The following AKNAD1 variants were observed in gnomAD, a reference collection of about 807,000 sequenced individuals.
AKNAD1 encodes AKNA domain containing 1.
AKNAD1 carries 67 observed loss-of-function variants against 90.8 expected under a neutral mutation model. The ratio of observed to expected loss-of-function variants is 0.74; its 90% CI spans 0.61 to 0.90. AKNAD1 has a LOEUF of 0.90. AKNAD1 is among the 40% of genes least tolerant of loss of function. The probability of loss-of-function intolerance (pLI) is 0.00; values close to 1 mark genes in which losing one functional copy is unlikely to be tolerated. For synonymous variants in AKNAD1, 327 were observed against 341.4 expected (o/e 0.96, Z 0.46); for missense variants, 957 against 975.4 (o/e 0.98, Z 0.25).
Position 108,852,699 on chromosome 1 carries a change from CCTGAGCTGGCTG to C in AKNAD1, c.-47_-36del, listed in dbSNP as rs1487767351. 5 of 1,526,770 alleles carry C rather than the reference CCTGAGCTGGCTG, an allele frequency of 3.3e-6. No individual in the cohort carries two copies. In the East Asian group the frequency reaches 1.1e-4, roughly 34 times the overall value. 94.6% of individuals were successfully genotyped at this position (1,526,770 alleles called of 1,614,324 possible). On this transcript the variant is annotated 5_prime_UTR_variant, in exon 2 of 16. Transcript: ENST00000370001. ...GCCCGATCGCTCTCGTCCTCTGCCT[CCTGAGCTGGCTG>C]CTGTCAGTTGTAACAATAGCTCTGG... is the stretch of plus-strand genomic sequence containing the variant.
intron 10 of AKNAD1, among the ~76,000 whole-genome samples, chr1:108,829,636 C>T (rs1015966344): frequency 5.3e-5 from 8 of 152,126 alleles, no homozygotes; most frequent in African/African-American, 1.9e-4. Context: ...TTTCTTTTTT[C>T]AGGGGTGGAC....
intron 1 of AKNAD1, among the ~76,000 whole-genome samples, chr1:108,854,514 A>G (rs907677046): frequency 6.6e-6 from 1 of 152,102 alleles, no homozygotes; most frequent in African/African-American, 2.4e-5. Context: ...GTCGTCCAAG[A>G]AAAAAAGGAG....
intron 6 of AKNAD1, among the ~76,000 whole-genome samples, chr1:108,841,728 A>G (rs1365743450): frequency 6.6e-6 from 1 of 152,108 alleles, no homozygotes; most frequent in East Asian, 1.9e-4. Context: ...GTTGTATGGG[A>G]TTCTGTTCCT....
intron 1 of AKNAD1, among the ~76,000 whole-genome samples, chr1:108,853,307 A>C (rs1557839726): frequency 6.6e-6 from 1 of 151,434 alleles, no homozygotes; most frequent in African/African-American, 2.4e-5. Context: ...AATTTTTTGT[A>C]TTTTTAGTAG....
At chr1:108,849,183 T>G in intron 3 of AKNAD1, 123 bp from the exon 4 acceptor site, 1 of 937,010 alleles carries the variant, frequency 1.1e-6, no homozygotes. Flanking sequence ...TTAATTTTTT[T>G]CAAAATATTT....
chr1:108,832,377 C>T (rs952827888), intron 9 of AKNAD1, among the ~76,000 whole-genome samples: 4 of 152,064 alleles, frequency 2.6e-5, no homozygotes, highest in Admixed American at 1.3e-4. Context: ...GAACACACCA[C>T]CCCACCCAGC....
chr1:108,821,528 A>G (rs935189294), intron 13 of AKNAD1, among the ~76,000 whole-genome samples: 2 of 152,166 alleles, frequency 1.3e-5, no homozygotes, highest in African/African-American at 4.8e-5. Context: ...TTGCTGTGTG[A>G]TCTGTGCATG....
chr1:108,848,826 A>G lies in AKNAD1; in HGVS notation c.1183-12T>C. Reference sequence around the variant, plus strand: ...GAAAATTCTTGTACCTGCAGTGAAAAAATTACAATCTCTCATTAATGGCAT... The same window carrying G: ...GAAAATTCTTGTACCTGCAGTGAAAGAATTACAATCTCTCATTAATGGCAT... On this transcript the variant is annotated splice_polypyrimidine_tract_variant and intron_variant, in intron 4 of 15. Coordinates refer to ENST00000370001, the MANE Select transcript of AKNAD1 (RefSeq NM_152763.5). 6.2e-7 allele frequency: 1 copy of G among 1,610,004 alleles called. No homozygotes were observed. The highest frequency in any genetic ancestry group is 8.5e-7 in the Non-Finnish European group (1 of 1,178,994).
At chr1:108,855,169 T>G (rs960027526) in intron 1 of AKNAD1, among the ~76,000 whole-genome samples, 8 of 152,136 alleles carry the variant, frequency 5.3e-5, no homozygotes, top group Non-Finnish European at 8.8e-5. Context: ...ATCCCAGCAC[T>G]TTGGGCGGCC....
chr1:108,835,049 T>C lies in AKNAD1; in HGVS notation c.1544A>G (p.Lys515Arg). The C allele has an allele frequency of 6.4e-7, 1 of 1,574,580 alleles. No homozygotes were observed. Among genetic ancestry groups the C allele is most frequent in the East Asian group, 2.4e-5 (1 of 41,234 alleles). ...CCCAGAAGGGTGGCCGGGGTGCTCC[T>C]TGGGAATCTGGGGGAGCCACACAGA... Reference protein sequence around the residue: ...TFSSLSNEIPKEHPGHPSGPR... With the variant: ...TFSSLSNEIPREHPGHPSGPR... The change falls in exon 8 of 16, where the codon AAG becomes AGG. Residue 515 changes from lysine (K) to arginine (R), a missense_variant. Coordinates refer to ENST00000370001, the MANE Select transcript of AKNAD1 (RefSeq NM_152763.5).
At chr1:108,839,190 A>C (rs2101194966) in intron 6 of AKNAD1, among the ~76,000 whole-genome samples, 1 of 152,328 alleles carries the variant, frequency 6.6e-6, no homozygotes, top group East Asian at 1.9e-4. Flanking sequence ...CTTCCAGAAC[A>C]TGAAAAGAAA....
chr1:108,835,642 T>C (rs12755742), intron 7 of AKNAD1, among the ~76,000 whole-genome samples: 20,639 of 151,336 alleles, frequency 0.14, 1,555 homozygotes, highest in African/African-American at 0.2. Context: ...TTTTTTTTTT[T>C]GAGATGGAGT....
intron 11 of AKNAD1, among the ~76,000 whole-genome samples, chr1:108,823,973 G>A (rs779044098): frequency 6.6e-5 from 10 of 152,138 alleles, no homozygotes; most frequent in East Asian, 1.9e-4. Context: ...ATGGATCTGC[G>A]GCAATTTGGC....
intron 11 of AKNAD1, among the ~76,000 whole-genome samples, chr1:108,826,731 C>CTTT (rs1557827086): frequency 1.5e-5 from 2 of 130,010 alleles, no homozygotes; most frequent in African/African-American, 6.1e-5. Context: ...TTTTTCTTTT[C>CTTT]TTTTCTTTTT....
chr1:108,853,995 G>A (rs1052581295), intron 1 of AKNAD1, among the ~76,000 whole-genome samples: 4 of 152,082 alleles, frequency 2.6e-5, no homozygotes, highest in African/African-American at 9.7e-5. Flanking sequence ...ACACCTGGAG[G>A]CCAGTCTGCA....
chr1:108,840,700 A>G (rs961462485), intron 6 of AKNAD1, among the ~76,000 whole-genome samples: 2 of 152,222 alleles, frequency 1.3e-5, no homozygotes, highest in African/African-American at 2.4e-5. Context: ...GAGGTTTTGT[A>G]TCTGATATAA....
intron 9 of AKNAD1, among the ~76,000 whole-genome samples, chr1:108,831,772 G>T (rs968700684): frequency 6.6e-5 from 10 of 151,644 alleles, no homozygotes; most frequent in Non-Finnish European, 1.3e-4. Flanking sequence ...GATTACAGGT[G>T]CCCACCACTA....
At chr1:108,826,881 A>G (rs900527668) in intron 11 of AKNAD1, among the ~76,000 whole-genome samples, 2 of 150,694 alleles carry the variant, frequency 1.3e-5, no homozygotes, top group African/African-American at 4.9e-5. Flanking sequence ...CTGGGACTAC[A>G]GGCGTGAGCC....
intron 11 of AKNAD1, among the ~76,000 whole-genome samples, chr1:108,824,097 C>T (rs1047301005): frequency 3.3e-5 from 5 of 152,170 alleles, no homozygotes; most frequent in Admixed American, 3.3e-4. Flanking sequence ...ATTTTGTCAT[C>T]CAGACAACTG....
Sources: allele counts gnomAD v4.1 joint callset (sites outside exome capture counted in the v4.1 genomes callset), GRCh38; gene constraint gnomAD v4.1.1; transcripts MANE v1.5; gene names NCBI Gene and HGNC (gene_info 2026-07-23, HGNC 2026-07-21).